PSPC1: variants seen among roughly 807,000 people sequenced by gnomAD.
The protein encoded by PSPC1 is paraspeckle protein 1.
PSPC1 carries 14 observed loss-of-function variants against 51.6 expected under a neutral mutation model. The ratio of observed to expected loss-of-function variants is 0.27; its 90% CI spans 0.18 to 0.42. PSPC1 has a LOEUF of 0.42. Among genes scored for constraint, PSPC1 ranks in the 10% least tolerant of loss-of-function variants. The pLI is 1.00. For synonymous variants in PSPC1, 193 were observed against 231.9 expected (o/e 0.83, Z 1.53); for missense variants, 406 against 701.1 (o/e 0.58, Z 4.75).
rs1228562064 is a variant in PSPC1 at position 19,724,965 on chromosome 13, C to G, written c.1158+5274G>C. 2.0e-5 allele frequency among the ~76,000 whole-genome samples: 3 copies of G among 151,850 alleles called. No individual in the cohort carries two copies. In the East Asian group the frequency reaches 5.8e-4, roughly 29 times the overall value. On this transcript the variant is annotated intron_variant, in intron 6 of 8. Transcript: ENST00000338910. ...AGTGGGCCGAAATCATGTCACTGCA[C>G]TCCAGCCTGGCGAGACAGCAAGACT...
chr13:19,697,050 C>CA (rs1196058555), intron 6 of PSPC1, among the ~76,000 whole-genome samples: 1 of 152,152 alleles, frequency 6.6e-6, no homozygotes, highest in Non-Finnish European at 1.5e-5. Context: ...TTTTGATTGT[C>CA]AGGGATCTTA....
At chr13:19,748,050 C>G (rs1304889866) in intron 4 of PSPC1, among the ~76,000 whole-genome samples, 1 of 152,076 alleles carries the variant, frequency 6.6e-6, no homozygotes, top group African/African-American at 2.4e-5. Context: ...CCCATCTCTA[C>G]TAAAAATACA....
chr13:19,741,715 AT>A, intron 4 of PSPC1, 66 bp from the exon 5 acceptor site: 2 of 1,027,916 alleles, frequency 1.9e-6, no homozygotes, highest in Non-Finnish European at 2.9e-6. Context: ...ACCAATAAGC[AT>A]AGAAGTTCTC....
chr13:19,673,098 GTTT>G (rs10531847), downstream of PSPC1: 2,304 of 407,322 alleles, frequency 5.7e-3, 54 homozygotes, highest in African/African-American at 0.046. Context: ...GTTTTTTTTT[GTTT>G]TTTTTTTTTG....
intron 2 of PSPC1, among the ~76,000 whole-genome samples, chr13:19,767,086 A>G (rs1888147059): frequency 6.6e-6 from 1 of 152,108 alleles, no homozygotes; most frequent in Non-Finnish European, 1.5e-5. Context: ...AGGCAGGCAC[A>G]TCACCTAAGG....
intron 1 of PSPC1, among the ~76,000 whole-genome samples, chr13:19,777,598 T>TG (rs754542289): frequency 4.6e-5 from 7 of 152,170 alleles, no homozygotes; most frequent in Admixed American, 2.0e-4. Context: ...TATTAATAGT[T>TG]TGCGAATATT....
chr13:19,755,133 T>C (rs1886941918), intron 3 of PSPC1, among the ~76,000 whole-genome samples: 1 of 146,706 alleles, frequency 6.8e-6, no homozygotes, highest in Non-Finnish European at 1.5e-5. Context: ...ACTTGGGGGG[T>C]GCTGAGGTGG....
chr13:19,694,509 A>C (rs1222491315), intron 6 of PSPC1, among the ~76,000 whole-genome samples: 5 of 152,254 alleles, frequency 3.3e-5, no homozygotes, highest in African/African-American at 9.6e-5. Context: ...GAGAAATTTT[A>C]CATTCTTTTC....
At chr13:19,692,018 G>A (rs914492618) in intron 6 of PSPC1, among the ~76,000 whole-genome samples, 17 of 152,120 alleles carry the variant, frequency 1.1e-4, no homozygotes, top group South Asian at 2.1e-4. Flanking sequence ...TTGGAAAGGC[G>A]GACCAAATCA....
intron 6 of PSPC1, among the ~76,000 whole-genome samples, chr13:19,729,775 A>T (rs1883822874): frequency 6.6e-6 from 1 of 152,190 alleles, no homozygotes; most frequent in African/African-American, 2.4e-5. Flanking sequence ...AAATAAAATT[A>T]TATGAAATCA....
chr13:19,714,495 CTTTTTTT>C (rs59072226), intron 6 of PSPC1, among the ~76,000 whole-genome samples: 20 of 135,062 alleles, frequency 1.5e-4, no homozygotes, highest in Non-Finnish European at 2.6e-4. Context: ...CAGCGGATTT[CTTTTTTT>C]TTTTTTTTTT....
At chr13:19,676,414 C>A (rs1340048225) in intron 7 of PSPC1, among the ~76,000 whole-genome samples, 1 of 152,168 alleles carries the variant, frequency 6.6e-6, no homozygotes, top group African/African-American at 2.4e-5. Flanking sequence ...ATTTAACTTT[C>A]TAGAGCTGGG....
chr13:19,741,020 G>A (rs1041709600), intron 5 of PSPC1, among the ~76,000 whole-genome samples: 4 of 151,962 alleles, frequency 2.6e-5, no homozygotes, highest in South Asian at 2.1e-4. Flanking sequence ...GATTACAGGC[G>A]CGTGCCACCA....
intron 5 of PSPC1, among the ~76,000 whole-genome samples, chr13:19,735,914 T>C (rs984225172): frequency 8.6e-5 from 13 of 150,956 alleles, no homozygotes; most frequent in Non-Finnish European, 1.6e-4. Flanking sequence ...CTACGCCTCC[T>C]GGGTTCAAGC....
chr13:19,745,300 C>T (rs1885852557), intron 4 of PSPC1, among the ~76,000 whole-genome samples: 1 of 152,080 alleles, frequency 6.6e-6, no homozygotes, highest in Admixed American at 6.6e-5. Flanking sequence ...GCCTGGGTGA[C>T]ACAGCAAGAC....
chr13:19,781,253 C>A (rs563619863), intron 1 of PSPC1, among the ~76,000 whole-genome samples: 2 of 152,084 alleles, frequency 1.3e-5, no homozygotes, highest in South Asian at 2.1e-4. Flanking sequence ...TCTCAGCTCA[C>A]TGCAGCCTCT....
At chr13:19,764,677 T>C (rs1887890165) in intron 2 of PSPC1, among the ~76,000 whole-genome samples, 1 of 15,608 alleles carries the variant, frequency 6.4e-5, no homozygotes, top group African/African-American at 1.1e-4. Flanking sequence ...GAGCAGAACT[T>C]GCCTTAAAAA....
At chr13:19,707,704 G>A (rs1431765519) in intron 7 of PSPC1, among the ~76,000 whole-genome samples, 2 of 152,004 alleles carry the variant, frequency 1.3e-5, no homozygotes, top group Non-Finnish European at 2.9e-5. Flanking sequence ...GACTCTAAAG[G>A]CATATTCTGA....
At chr13:19,700,480 T>G (rs1229799839), downstream of PSPC1, among the ~76,000 whole-genome samples, 4 of 152,048 alleles carry the variant, frequency 2.6e-5, no homozygotes, top group African/African-American at 9.7e-5. Context: ...CAAGAAAGAA[T>G]AGCAAATTGA....
Sources: allele counts gnomAD v4.1 joint callset (sites outside exome capture counted in the v4.1 genomes callset), GRCh38; gene constraint gnomAD v4.1.1; transcripts MANE v1.5; gene names NCBI Gene and HGNC (gene_info 2026-07-23, HGNC 2026-07-21).